Variants in SYT2 observed in about 807,000 individuals in gnomAD.
SYT2 encodes the protein synaptotagmin-2.
In SYT2, 15 loss-of-function variants were observed where a neutral mutation model predicts 39.9. The observed-to-expected ratio is 0.38, with a 90% CI of 0.25 to 0.58. The LOEUF is 0.58. Among genes scored for constraint, SYT2 ranks in the 20% least tolerant of loss-of-function variants. SYT2 has a pLI of 0.70. For synonymous variants in SYT2, 181 were observed against 204.5 expected (o/e 0.89, Z 0.98); for missense variants, 389 against 530.3 (o/e 0.73, Z 2.62).
At chr1:202,657,687 T>C (rs187794972) in intron 1 of SYT2, among the ~76,000 whole-genome samples, 24 of 152,084 alleles carry the variant, frequency 1.6e-4, no homozygotes, top group Non-Finnish European at 2.1e-4. Flanking sequence ...GGTTTCAGTT[T>C]CTGGGTCCAG....
chr1:202,691,156 C>T (rs1572681895), intron 1 of SYT2, among the ~76,000 whole-genome samples: 2 of 152,266 alleles, frequency 1.3e-5, no homozygotes. Context: ...AGGCGGTAAC[C>T]TAAATATTGC....
At chr1:202,694,559 TACACAC>T (rs10563246) in intron 1 of SYT2, among the ~76,000 whole-genome samples, 1 of 150,332 alleles carries the variant, frequency 6.7e-6, no homozygotes, top group African/African-American at 2.4e-5. Context: ...AGGCTGAATT[TACACAC>T]ACACACACAC....
intron 1 of SYT2, among the ~76,000 whole-genome samples, chr1:202,693,565 T>C (rs1326734843): frequency 6.6e-6 from 1 of 152,134 alleles, no homozygotes; most frequent in Non-Finnish European, 1.5e-5. Flanking sequence ...AAGAAAAATT[T>C]GGAGCATGTG....
intron 1 of SYT2, among the ~76,000 whole-genome samples, chr1:202,667,696 T>C (rs1692507465): frequency 6.6e-6 from 1 of 152,034 alleles, no homozygotes; most frequent in Non-Finnish European, 1.5e-5. Flanking sequence ...TATTTTCTTT[T>C]ATTTTTATTT....
intron 1 of SYT2, among the ~76,000 whole-genome samples, chr1:202,633,337 G>C (rs1055108301): frequency 3.3e-5 from 5 of 152,330 alleles, no homozygotes; most frequent in Admixed American, 2.0e-4. Context: ...AGTGACTCCA[G>C]AGGAGCAGGA....
intron 1 of SYT2, among the ~76,000 whole-genome samples, chr1:202,636,242 TGAG>T (rs893282138): frequency 4.0e-5 from 6 of 151,790 alleles, no homozygotes; most frequent in African/African-American, 2.4e-5. Context: ...GAACAGAAAA[TGAG>T]GAGGGCCAGA....
chr1:202,605,996 A>AT lies in SYT2; in HGVS notation c.-17-208dup, dbSNP rs796600519. 5.6e-3 allele frequency among the ~76,000 whole-genome samples: 833 copies of AT among 148,364 alleles called. 7 individuals are homozygous for AT. The highest frequency in any genetic ancestry group is 0.019 in the African/African-American group (782 of 40,716). On this transcript the variant is annotated intron_variant, in intron 1 of 8. Transcript: ENST00000367268. ...GCATAGCAAGACCCTATCTTTAGAA[A>AT]TTTTTTTTTTTTAGTTAGGCATAGT...
chr1:202,621,558 T>C (rs933572866), intron 1 of SYT2, among the ~76,000 whole-genome samples: 2 of 152,192 alleles, frequency 1.3e-5, no homozygotes, highest in Non-Finnish European at 2.9e-5. Flanking sequence ...CTGGCGATCT[T>C]GCTGCCTTGA....
At chr1:202,672,196 A>G (rs1383992126) in intron 1 of SYT2, among the ~76,000 whole-genome samples, 1 of 152,258 alleles carries the variant, frequency 6.6e-6, no homozygotes, top group Non-Finnish European at 1.5e-5. Context: ...TATAAAGCTT[A>G]TAATTGACAA....
chr1:202,624,338 T>C (rs556033742), intron 1 of SYT2, among the ~76,000 whole-genome samples: 30 of 138,184 alleles, frequency 2.2e-4, no homozygotes, highest in Admixed American at 1.4e-3. Context: ...GAGGCTCTAG[T>C]GGGGTGTCAG....
chr1:202,639,470 G>A (rs759959286), intron 1 of SYT2: 101 of 983,186 alleles, frequency 1.0e-4, no homozygotes, highest in Non-Finnish European at 1.2e-4. Flanking sequence ...TCAAAACAGA[G>A]GGCTGGATGA....
rs144280129 is a variant in SYT2 at position 202,618,924 on chromosome 1, T to C, written c.-17-13135A>G. Among the ~76,000 whole-genome samples, 564 of 152,296 alleles carry C rather than the reference T, an allele frequency of 3.7e-3. 6 individuals are homozygous for C. Among genetic ancestry groups the C allele is most frequent in the African/African-American group, 0.012 (513 of 41,564 alleles). ...AAGGAAAACAGCAGGAGCCCTTTCA[T>C]ACCCTGCATGCCACCCAAGACTCCT... On this transcript the variant is annotated intron_variant, in intron 1 of 8. Transcript: ENST00000367268.
intron 1 of SYT2, among the ~76,000 whole-genome samples, chr1:202,640,244 ACCCCACCCCG>A (rs1324426986): frequency 5.1e-4 from 31 of 60,874 alleles, no homozygotes; most frequent in Non-Finnish European, 7.1e-5. Flanking sequence ...CTCCCACCCC[ACCCCACCCCG>A]CCCCACCCAG....
chr1:202,639,285 C>T (rs1228598483), intron 1 of SYT2, among the ~76,000 whole-genome samples: 1 of 152,200 alleles, frequency 6.6e-6, no homozygotes, highest in Non-Finnish European at 1.5e-5. Context: ...GGACCCATGT[C>T]CTTTCTGCTG....
chr1:202,669,876 CT>C (rs1397616603), intron 1 of SYT2, among the ~76,000 whole-genome samples: 1 of 152,130 alleles, frequency 6.6e-6, no homozygotes, highest in African/African-American at 2.4e-5. Context: ...GAGCCCTGGC[CT>C]TTCAGATCTG....
chr1:202,651,360 G>T (rs1402772083), intron 1 of SYT2, among the ~76,000 whole-genome samples: 1 of 151,858 alleles, frequency 6.6e-6, no homozygotes, highest in African/African-American at 2.4e-5. Flanking sequence ...ACGCACAGGG[G>T]TGGGTGGGAG....
intron 1 of SYT2, among the ~76,000 whole-genome samples, chr1:202,615,915 T>A (rs1691018922): frequency 6.6e-6 from 1 of 152,194 alleles, no homozygotes; most frequent in Non-Finnish European, 1.5e-5. Context: ...GGCATTTCTG[T>A]GGTATTCACC....
chr1:202,644,805 C>A (rs753686814), intron 1 of SYT2, among the ~76,000 whole-genome samples: 15 of 152,160 alleles, frequency 9.9e-5, no homozygotes, highest in Non-Finnish European at 1.8e-4. Flanking sequence ...ATTCCCAATA[C>A]CCGCAGTGAA....
At chr1:202,619,004 G>A (rs1470632551) in intron 1 of SYT2, among the ~76,000 whole-genome samples, 1 of 152,208 alleles carries the variant, frequency 6.6e-6, no homozygotes, top group African/African-American at 2.4e-5. Context: ...ATTTGGTGGA[G>A]GAAGAATCTA....
Sources: allele counts gnomAD v4.1 joint callset (sites outside exome capture counted in the v4.1 genomes callset), GRCh38; gene constraint gnomAD v4.1.1; transcripts MANE v1.5; gene names NCBI Gene and HGNC (gene_info 2026-07-23, HGNC 2026-07-21).